The following NHS variants were observed in gnomAD, a reference collection of about 807,000 sequenced individuals.
NHS encodes NHS actin remodeling regulator.
NHS carries 5 observed loss-of-function variants against 72.5 expected under a neutral mutation model. That is an observed-to-expected ratio of 0.07 (90% CI 0.04 to 0.14). NHS has a LOEUF of 0.14. Ranked by LOEUF, NHS falls within the 10% of genes least tolerant of loss-of-function variation. The pLI, the probability that NHS is intolerant of heterozygous loss-of-function variation, is 1.00. For missense variants in NHS, 1,072 were observed against 1,355.7 expected (o/e 0.79, Z 3.29); for synonymous variants, 464 against 547.7 (o/e 0.85, Z 2.13).
chrX:17,722,038 C>T (rs777055481), intron 5 of NHS, among the ~76,000 whole-genome samples: 1 of 111,888 alleles, frequency 8.9e-6, no homozygotes, highest in African/African-American at 3.3e-5. Flanking sequence ...TTTCATGCTT[C>T]CTTGGATGAA....
rs377369695 is a variant in NHS at position 17,449,561 on chromosome X, T to C, written c.565+73239T>C. Among the ~76,000 whole-genome samples the C allele has an allele frequency of 1.1e-4, 12 of 112,282 alleles. No individual in the cohort carries two copies. The East Asian group carries it at 3.1e-3, about 29-fold the overall frequency. On this transcript the variant is annotated intron_variant, in intron 1 of 8. Coordinates refer to ENST00000676302, the MANE Select transcript of NHS (RefSeq NM_001291867.2). Reference sequence around the variant, plus strand: ...ACCTTAACATGGCTGTGTACTTAAGTTTTATGCACTTTACTGTATGTAAGT... The same window carrying C: ...ACCTTAACATGGCTGTGTACTTAAGCTTTATGCACTTTACTGTATGTAAGT...
chrX:17,538,040 C>T (rs1270972850), intron 1 of NHS, among the ~76,000 whole-genome samples: 19 of 112,104 alleles, frequency 1.7e-4, no homozygotes, highest in Non-Finnish European at 2.6e-4. Context: ...CCCCATCTTG[C>T]GGAAGGCCAA....
chrX:17,546,092 G>A (rs2065291662), intron 1 of NHS, among the ~76,000 whole-genome samples: 2 of 112,146 alleles, frequency 1.8e-5, no homozygotes, highest in Admixed American at 1.9e-4. Context: ...ACCTGAGGAG[G>A]AAGTGCTGCC....
At chrX:17,550,571 A>G (rs1003267275) in intron 1 of NHS, among the ~76,000 whole-genome samples, 1 of 111,685 alleles carries the variant, frequency 9.0e-6, no homozygotes, top group East Asian at 2.8e-4. Context: ...TTGGATGCCC[A>G]TGGGGCTCCT....
chrX:17,683,487 T>C (rs1601834297), intron 1 of NHS, among the ~76,000 whole-genome samples: 3 of 110,480 alleles, frequency 2.7e-5, no homozygotes, highest in African/African-American at 9.9e-5. Context: ...CAAACAGAGA[T>C]GGTTTCTGAT....
chrX:17,627,147 AC>A (rs2065801489), intron 1 of NHS, among the ~76,000 whole-genome samples: 1 of 112,361 alleles, frequency 8.9e-6, no homozygotes, highest in Admixed American at 9.4e-5. Context: ...GTTGGACTCA[AC>A]AAGAATTCTG....
intron 1 of NHS, among the ~76,000 whole-genome samples, chrX:17,639,558 T>C (rs2065870085): frequency 9.0e-6 from 1 of 110,980 alleles, no homozygotes; most frequent in Non-Finnish European, 1.9e-5. Context: ...ACATATCTAC[T>C]CTTGTGATAA....
intron 1 of NHS, among the ~76,000 whole-genome samples, chrX:17,574,908 C>G (rs1173286741): frequency 8.9e-6 from 1 of 112,017 alleles, no homozygotes; most frequent in Non-Finnish European, 1.9e-5. Context: ...GATGGGGAAA[C>G]TGAGGCACAG....
rs138237949 is a variant in NHS, at chrX:17,726,619, C to G, written c.2513C>G (p.Pro838Arg). 8.3e-7 allele frequency: 1 copy of G among 1,211,837 alleles called. No homozygotes were observed. Reference sequence around the variant, plus strand: ...TTAGACCACAAGAGGCAGGGAAGACCAAGCATCTCTTTCAGGAAACCAAAG... The same window carrying G: ...TTAGACCACAAGAGGCAGGGAAGACGAAGCATCTCTTTCAGGAAACCAAAG... ...DYLDHKRQGR[P>R]SISFRKPKAK... Residue 838 changes from proline (P) to arginine (R), a missense_variant, in exon 7 of 9, where the codon CCA becomes CGA. By Grantham distance (103) the Pro-to-Arg change is moderately radical (BLOSUM62 -2). Coordinates refer to ENST00000676302, the MANE Select transcript of NHS (RefSeq NM_001291867.2).
intron 1 of NHS, among the ~76,000 whole-genome samples, chrX:17,598,002 G>A (rs2065632996): frequency 9.0e-6 from 1 of 111,386 alleles, no homozygotes; most frequent in African/African-American, 3.3e-5. Context: ...TATGAATGCA[G>A]CCCTGTCTTA....
intron 1 of NHS, among the ~76,000 whole-genome samples, chrX:17,655,111 G>A (rs1233196049): frequency 8.9e-6 from 1 of 111,942 alleles, no homozygotes; most frequent in East Asian, 2.8e-4. Context: ...CACATTTTTC[G>A]GGTGCTCTAG....
intron 1 of NHS, among the ~76,000 whole-genome samples, chrX:17,504,027 T>C (rs2065046316): frequency 9.0e-6 from 1 of 111,610 alleles, no homozygotes; most frequent in South Asian, 3.8e-4. Flanking sequence ...TCAGGAATCA[T>C]AGTACACTGA....
chrX:17,719,237 T>C, intron 3 of NHS, 107 bp from the exon 4 acceptor site: 1 of 632,551 alleles, frequency 1.6e-6, no homozygotes, highest in Non-Finnish European at 2.5e-6. Flanking sequence ...GGAAGGAAGT[T>C]ATCCCAGTAT....
intron 1 of NHS, among the ~76,000 whole-genome samples, chrX:17,457,968 T>A (rs1184119906): frequency 8.9e-6 from 1 of 112,083 alleles, no homozygotes; most frequent in Admixed American, 9.4e-5. Flanking sequence ...AATGCCTATA[T>A]TTATATTTGT....
At chrX:17,615,529 T>C (rs967482868) in intron 1 of NHS, among the ~76,000 whole-genome samples, 1 of 109,062 alleles carries the variant, frequency 9.2e-6, no homozygotes, top group Non-Finnish European at 1.9e-5. Flanking sequence ...ATTACAGGCG[T>C]GAGCCACTGC....
intron 1 of NHS, among the ~76,000 whole-genome samples, chrX:17,519,829 G>A (rs6632989): frequency 0.012 from 1,367 of 110,293 alleles, 25 homozygotes; most frequent in African/African-American, 0.042. Flanking sequence ...CATCATCATC[G>A]TCATCATCAT....
chrX:17,533,770 C>T (rs1468056974), intron 1 of NHS, among the ~76,000 whole-genome samples: 1 of 111,743 alleles, frequency 8.9e-6, no homozygotes, highest in Non-Finnish European at 1.9e-5. Flanking sequence ...CTTGGGCAGC[C>T]CCCACAGCCT....
intron 1 of NHS, among the ~76,000 whole-genome samples, chrX:17,665,179 T>G (rs1372726900): frequency 9.2e-6 from 1 of 109,278 alleles, no homozygotes; most frequent in Non-Finnish European, 1.9e-5. Flanking sequence ...GTTTTTAACC[T>G]ACACAATCAT....
intron 3 of NHS, among the ~76,000 whole-genome samples, chrX:17,708,833 T>A (rs1601847297): frequency 9.0e-6 from 1 of 111,193 alleles, no homozygotes; most frequent in Middle Eastern, 4.6e-3. Context: ...CTATAATGCT[T>A]CAGTAGGCCA....
Sources: gnomAD v4.1 joint callset for allele counts (sites outside exome capture counted in the v4.1 genomes callset) on GRCh38, gnomAD v4.1.1 for gene constraint, MANE v1.5 for transcripts, NCBI Gene and HGNC (gene_info 2026-07-23, HGNC 2026-07-21) for gene names.